The following VAT1L variants were observed in gnomAD, a reference collection of about 807,000 sequenced individuals.
VAT1L encodes putative NADPH-dependent quinone oxidoreductase VAT1L.
In VAT1L, 34 loss-of-function variants were observed where a neutral mutation model predicts 44.1. That is an observed-to-expected ratio of 0.77 (90% CI 0.59 to 1.03). The LOEUF is 1.03. Among genes scored for constraint, VAT1L ranks in the 50% least tolerant of loss-of-function variants. VAT1L has a pLI of 0.00. For missense variants in VAT1L, 615 were observed against 538.8 expected, an observed-to-expected ratio of 1.14 and a Z score of -1.40; for synonymous variants, 253 against 202.2, an observed-to-expected ratio of 1.25 and a Z score of -2.13.
intron 2 of VAT1L, among the ~76,000 whole-genome samples, chr16:77,823,471 G>C (rs1003311067): frequency 3.9e-5 from 6 of 152,166 alleles, no homozygotes; most frequent in Non-Finnish European, 5.9e-5. Flanking sequence ...AGATCAAAAA[G>C]GGGCTTCATA....
At chr16:77,856,423 G>A (rs2142437834) in intron 3 of VAT1L, among the ~76,000 whole-genome samples, 1 of 152,214 alleles carries the variant, frequency 6.6e-6, no homozygotes, top group Middle Eastern at 3.4e-3. Flanking sequence ...AATTTCAACT[G>A]GGCCCCATCC....
At chr16:77,799,486 A>G (rs1567466548) in intron 1 of VAT1L, among the ~76,000 whole-genome samples, 1 of 150,176 alleles carries the variant, frequency 6.7e-6, no homozygotes, top group Admixed American at 6.7e-5. Flanking sequence ...CATGTCTGAC[A>G]GCCCCACTGG....
chr16:77,806,749 A>G (rs2016167873), intron 1 of VAT1L, among the ~76,000 whole-genome samples: 1 of 152,202 alleles, frequency 6.6e-6, no homozygotes, highest in African/African-American at 2.4e-5. Context: ...AACATATCAT[A>G]AAACATAAGA....
chr16:77,908,030 G>A (rs1429566630), intron 7 of VAT1L, among the ~76,000 whole-genome samples: 1 of 152,164 alleles, frequency 6.6e-6, no homozygotes, highest in Admixed American at 6.5e-5. Context: ...CACCAGGTCA[G>A]GAGATTGAGA....
chr16:77,804,021 C>T (rs1299430071), intron 1 of VAT1L, among the ~76,000 whole-genome samples: 15 of 152,150 alleles, frequency 9.9e-5, no homozygotes, highest in Admixed American at 9.8e-4. Flanking sequence ...TCTTATGGAA[C>T]TGTCATGCCG....
chr16:77,925,988 T>C (rs1051052964), intron 7 of VAT1L, among the ~76,000 whole-genome samples: 17 of 151,938 alleles, frequency 1.1e-4, no homozygotes, highest in African/African-American at 2.4e-4. Context: ...CGGGGCCGGG[T>C]GCGGTGGCTC....
At chr16:77,902,947 T>C (rs1380482421) in intron 7 of VAT1L, among the ~76,000 whole-genome samples, 1 of 131,094 alleles carries the variant, frequency 7.6e-6, no homozygotes, top group East Asian at 2.2e-4. Context: ...CACTCCGGCC[T>C]GGGCCACAGA....
At chr16:77,924,545 C>G (rs762972513) in intron 7 of VAT1L, among the ~76,000 whole-genome samples, 15 of 152,148 alleles carry the variant, frequency 9.9e-5, no homozygotes, top group Non-Finnish European at 1.8e-4. Flanking sequence ...ACTGCAACCT[C>G]CGCCTTCCAG....
intron 4 of VAT1L, among the ~76,000 whole-genome samples, chr16:77,874,109 C>T (rs973066737): frequency 6.6e-6 from 1 of 151,966 alleles, no homozygotes; most frequent in East Asian, 1.9e-4. Context: ...CATCAGAGGA[C>T]AAAAATTCAA....
At position 77,884,291 on chromosome 16, in the gene VAT1L, G is replaced by A. The variant is rs968569491; in HGVS notation, c.883-317G>A. 5.3e-5 allele frequency among the ~76,000 whole-genome samples: 8 copies of A among 152,150 alleles called. No individual in the cohort carries two copies. The highest frequency in any genetic ancestry group is 3.4e-3 in the Middle Eastern group (1 of 294). Reference sequence around the variant, plus strand: ...ATACAAAAATTAGCTGGGCATGGTCGTGGGCGCCTGTAATCCCAGCTACTC... The same window carrying A: ...ATACAAAAATTAGCTGGGCATGGTCATGGGCGCCTGTAATCCCAGCTACTC... On this transcript the variant is annotated intron_variant, in intron 6 of 8. Transcript: ENST00000302536. The surrounding 1 kb of genome is among the most constrained non-coding windows in gnomAD (Gnocchi z 4.5).
intron 7 of VAT1L, chr16:77,892,512 A>G: frequency 1.8e-6 from 1 of 560,220 alleles, no homozygotes; most frequent in South Asian, 1.4e-5. Flanking sequence ...AAGTTTCCAA[A>G]GACAGCAGAA....
At chr16:77,850,786 C>G (rs1157831457) in intron 3 of VAT1L, among the ~76,000 whole-genome samples, 3 of 152,158 alleles carry the variant, frequency 2.0e-5, no homozygotes, top group Non-Finnish European at 4.4e-5. Context: ...GGAAATGTAT[C>G]CAAATGCACT....
chr16:77,958,068 T>C (rs2018122844), intron 7 of VAT1L, among the ~76,000 whole-genome samples: 1 of 152,044 alleles, frequency 6.6e-6, no homozygotes, highest in Non-Finnish European at 1.5e-5. Context: ...CTACCAGTCC[T>C]GGTTAATTTT....
rs982175344 is a variant in VAT1L at position 77,980,004 on chromosome 16, G to A, written c.*2309G>A. The A allele has an allele frequency of 6.6e-6, 1 of 152,628 alleles. No individual in the cohort carries two copies. Among genetic ancestry groups the A allele is most frequent in the Admixed American group, 6.5e-5 (1 of 15,284 alleles). The allele number at this position is 152,628 out of a possible 1,614,324, so 9.5% of individuals were successfully genotyped here. ...CTTGATAGAAGTGAACTGAAACATT[G>A]TCTAATGTCTTTGTGGCTTTAGAGC... On this transcript the variant is annotated 3_prime_UTR_variant, in exon 9 of 9. Transcript: ENST00000302536.
intron 3 of VAT1L, among the ~76,000 whole-genome samples, chr16:77,828,492 C>T (rs886491432): frequency 2.0e-5 from 3 of 152,022 alleles, no homozygotes; most frequent in African/African-American, 4.8e-5. Context: ...GGAGAAACCC[C>T]CATCTCTATA....
intron 7 of VAT1L, among the ~76,000 whole-genome samples, chr16:77,959,067 C>T (rs2018134612): frequency 6.6e-6 from 1 of 152,192 alleles, no homozygotes; most frequent in Non-Finnish European, 1.5e-5. Context: ...GGTGCTGATC[C>T]TGCACTTGTG....
At chr16:77,827,333 G>C (rs1453390249) in intron 3 of VAT1L, among the ~76,000 whole-genome samples, 1 of 152,172 alleles carries the variant, frequency 6.6e-6, no homozygotes, top group African/African-American at 2.4e-5. Context: ...CAGTTCTGCT[G>C]AGAATTAGTA....
intron 6 of VAT1L, among the ~76,000 whole-genome samples, chr16:77,881,330 G>C (rs1372165475): frequency 6.6e-6 from 1 of 152,194 alleles, no homozygotes; most frequent in African/African-American, 2.4e-5. Context: ...CAGCACATAA[G>C]ATAGGTGCAC....
chr16:77,929,177 A>G (rs1039667239), intron 7 of VAT1L, among the ~76,000 whole-genome samples: 1 of 152,124 alleles, frequency 6.6e-6, no homozygotes, highest in African/African-American at 2.4e-5. Flanking sequence ...TGAGCTCTGC[A>G]TTCTCTGGAT....
Sources: allele counts gnomAD v4.1 joint callset (sites outside exome capture counted in the v4.1 genomes callset), GRCh38; gene constraint gnomAD v4.1.1; non-coding constraint Gnocchi (gnomAD v3.1); transcripts MANE v1.5; gene names NCBI Gene and HGNC (gene_info 2026-07-23, HGNC 2026-07-21).